The following GALNT9 variants were observed in gnomAD, a reference collection of about 807,000 sequenced individuals.
GALNT9 encodes the protein GalNAc transferase 9.
GALNT9 carries 47 observed loss-of-function variants against 63.1 expected under a neutral mutation model. The observed-to-expected ratio is 0.75, with a 90% confidence interval of 0.59 to 0.95. The LOEUF is 0.95. Among genes scored for constraint, GALNT9 ranks in the 40% least tolerant of loss-of-function variants. The pLI, the probability that GALNT9 is intolerant of heterozygous loss-of-function variation, is 0.00. For missense variants in GALNT9, 829 were observed against 874.8 expected (o/e 0.95, Z 0.66); for synonymous variants, 396 against 365.7 (o/e 1.08, Z -0.94).
intron 1 of GALNT9, among the ~76,000 whole-genome samples, chr12:132,305,042 C>T (rs1555244472): frequency 1.5e-5 from 1 of 65,696 alleles, no homozygotes; most frequent in African/African-American, 7.7e-5. Context: ...GACACACCCT[C>T]ACCCGGGCAC....
intron 6 of GALNT9, among the ~76,000 whole-genome samples, chr12:132,210,262 C>T (rs1049979890): frequency 6.6e-6 from 1 of 152,276 alleles, no homozygotes; most frequent in Non-Finnish European, 1.5e-5. Flanking sequence ...TCCCCCTGTA[C>T]ATTCAGGACT....
rs28374031 is a variant in GALNT9 at position 132,317,489 on chromosome 12, A to T, written c.238+11477T>A. Among the ~76,000 whole-genome samples the T allele has an allele frequency of 9.2e-5, 14 of 152,222 alleles. No homozygotes were observed. The East Asian group carries it at 2.1e-3, about 23-fold the overall frequency. On this transcript the variant is annotated intron_variant, in intron 1 of 10. Coordinates refer to ENST00000328957, the MANE Select transcript of GALNT9 (RefSeq NM_001122636.2). Reference sequence around the variant, plus strand: ...GCTCCTCTCCAGGGCCACCTCACCAAGGAGACCTGCGGTTTTTATGAATTC... The same window carrying T: ...GCTCCTCTCCAGGGCCACCTCACCATGGAGACCTGCGGTTTTTATGAATTC...
At chr12:132,218,528 G>A (rs1192238533) in intron 6 of GALNT9, among the ~76,000 whole-genome samples, 4 of 152,224 alleles carry the variant, frequency 2.6e-5, no homozygotes, top group Admixed American at 1.3e-4. Flanking sequence ...TCTGCTTAGC[G>A]TGTCCCTGCC....
chr12:132,303,455 C>A (rs1881401090), intron 1 of GALNT9, among the ~76,000 whole-genome samples: 1 of 132,448 alleles, frequency 7.6e-6, no homozygotes, highest in Non-Finnish European at 1.6e-5. Context: ...CCGGGCACAC[C>A]CTCGCCCGGA....
rs1026398509 is a variant in GALNT9, at chr12:132,200,257, G to A, written c.1401+867C>T. ...GTGCCAGCTCAGGGCTGGGACGCTC[G>A]AGTCTCATGGTGGGAGGCACCCCAT... On this transcript the variant is annotated intron_variant, in intron 8 of 10. Coordinates refer to ENST00000328957, the MANE Select transcript of GALNT9 (RefSeq NM_001122636.2). 2.6e-5 allele frequency among the ~76,000 whole-genome samples: 4 copies of A among 152,184 alleles called. 1 individual carries two copies. Among genetic ancestry groups the A allele is most frequent in the East Asian group, 1.9e-4 (1 of 5,188 alleles).
chr12:132,257,458 G>C (rs76999391), intron 5 of GALNT9, among the ~76,000 whole-genome samples: 1 of 29,168 alleles, frequency 3.4e-5, no homozygotes, highest in Non-Finnish European at 1.1e-4. Flanking sequence ...CCTCATCCCC[G>C]GCCCTCGTCC....
At chr12:132,209,287 G>T (rs566582535) in intron 6 of GALNT9, among the ~76,000 whole-genome samples, 1 of 152,290 alleles carries the variant, frequency 6.6e-6, no homozygotes, top group East Asian at 1.9e-4. Flanking sequence ...AGCAGTTTGG[G>T]AGGCTGAGGT....
At chr12:132,203,031 T>G (rs1160354487) in intron 7 of GALNT9, among the ~76,000 whole-genome samples, 1 of 151,514 alleles carries the variant, frequency 6.6e-6, no homozygotes, top group Non-Finnish European at 1.5e-5. Context: ...ATGGTGGGGG[T>G]GACCTGGAAA....
chr12:132,265,104 C>G lies in GALNT9; in HGVS notation c.420-2479G>C, dbSNP rs953105770. Among the ~76,000 whole-genome samples, 1 of 152,250 alleles carries G rather than the reference C, an allele frequency of 6.6e-6. No homozygotes were observed. The highest frequency in any genetic ancestry group is 6.5e-5 in the Admixed American group (1 of 15,290). ...AGACCAGGATGACTCTTCCAAATCT[C>G]GCTTTTCTGCAAGGCTCAACCCAGC... On this transcript the variant is annotated intron_variant, in intron 2 of 10. Coordinates refer to ENST00000328957, the MANE Select transcript of GALNT9 (RefSeq NM_001122636.2). The surrounding 1 kb of genome is among the most constrained non-coding windows in gnomAD (Gnocchi z 5.3).
At chr12:132,204,656 T>C (rs1876520281) in intron 6 of GALNT9, among the ~76,000 whole-genome samples, 1 of 152,134 alleles carries the variant, frequency 6.6e-6, no homozygotes, top group Non-Finnish European at 1.5e-5. Flanking sequence ...AGATGAACTT[T>C]CACAGCTAAG....
chr12:132,196,446 G>A lies in GALNT9; in HGVS notation c.*661C>T. 1.0e-6 allele frequency: 1 copy of A among 985,546 alleles called. No homozygotes were observed. The highest frequency in any genetic ancestry group is 1.2e-6 in the Non-Finnish European group (1 of 830,008). The allele number at this position is 985,546 out of a possible 1,614,324, so 61.1% of individuals were successfully genotyped here. A position where few individuals can be genotyped will look rare whatever the true frequency, so the allele number is the denominator to read the frequency against. On this transcript the variant is annotated 3_prime_UTR_variant, in exon 11 of 11. Transcript: ENST00000328957. The stretch of plus-strand genomic sequence containing the variant: ...GGGCTGCGGCAGGGCCCAGGTGCCT[G>A]GGAAAGAGGTGGGACCGGGCCCCAA...
chr12:132,326,681 T>C (rs1397621513), intron 1 of GALNT9, among the ~76,000 whole-genome samples: 2 of 152,198 alleles, frequency 1.3e-5, no homozygotes, highest in African/African-American at 4.8e-5. Context: ...TTGTTTCGGA[T>C]TTCCCCCTCT....
intron 7 of GALNT9, among the ~76,000 whole-genome samples, chr12:132,202,181 C>T (rs1298959403): frequency 6.6e-6 from 1 of 152,246 alleles, no homozygotes; most frequent in African/African-American, 2.4e-5. Flanking sequence ...GGGCTCACAC[C>T]AGGGCCCTTG....
chr12:132,322,558 C>T (rs970980785), intron 1 of GALNT9, among the ~76,000 whole-genome samples: 1 of 152,246 alleles, frequency 6.6e-6, no homozygotes, highest in African/African-American at 2.4e-5. Context: ...AGTGTTTGCA[C>T]AGGGAATGGG....
intron 1 of GALNT9, among the ~76,000 whole-genome samples, chr12:132,306,791 A>G (rs1881631581): frequency 6.6e-6 from 1 of 152,192 alleles, no homozygotes; most frequent in Non-Finnish European, 1.5e-5. Flanking sequence ...TCACTGCGGT[A>G]ATGGAAAAGA....
At chr12:132,314,809 G>A (rs1555245591) in intron 1 of GALNT9, among the ~76,000 whole-genome samples, 1 of 152,192 alleles carries the variant, frequency 6.6e-6, no homozygotes, top group African/African-American at 2.4e-5. Flanking sequence ...CCAATTTCCC[G>A]TGGAATCCTG....
intron 1 of GALNT9, among the ~76,000 whole-genome samples, chr12:132,325,332 C>T (rs1042006570): frequency 2.0e-5 from 3 of 152,198 alleles, no homozygotes; most frequent in Non-Finnish European, 2.9e-5. Context: ...TTCACAGTAC[C>T]GCCAGAGGCC....
intron 1 of GALNT9, among the ~76,000 whole-genome samples, chr12:132,287,948 A>G (rs1322719331): frequency 6.6e-6 from 1 of 152,218 alleles, no homozygotes; most frequent in Non-Finnish European, 1.5e-5. Context: ...GTTTTAAGCC[A>G]GAAAGAGGCG....
chr12:132,223,134 CCCACACACACACCACACAACCCACACA>C, intron 6 of GALNT9, among the ~76,000 whole-genome samples: 1 of 105,984 alleles, frequency 9.4e-6, no homozygotes, highest in South Asian at 3.4e-4. Flanking sequence ...CCACACACAC[CCCACACACACACCACACAACCCACACA>C]CCACACAACC....
Sources: gnomAD v4.1 joint callset for allele counts (sites outside exome capture counted in the v4.1 genomes callset) on GRCh38, gnomAD v4.1.1 for gene constraint, Gnocchi (gnomAD v3.1) non-coding constraint, MANE v1.5 for transcripts, NCBI Gene and HGNC (gene_info 2026-07-23, HGNC 2026-07-21) for gene names.